Variants in AFF3 observed in about 807,000 individuals in gnomAD.
AFF3 encodes ALF transcription elongation factor 3, also known as AF4/FMR2 family member 3.
AFF3 carries 32 observed loss-of-function variants against 129.7 expected under a neutral mutation model. The observed-to-expected ratio is 0.25, with a 90% CI of 0.19 to 0.33. The LOEUF is 0.33. Ranked by LOEUF, AFF3 falls within the 10% of genes least tolerant of loss-of-function variation. The probability of loss-of-function intolerance (pLI) is 1.00; values close to 1 mark genes in which losing one functional copy is unlikely to be tolerated. For missense variants in AFF3, 1,373 were observed against 1,592.0 expected (o/e 0.86, Z 2.34); for synonymous variants, 644 against 635.4 (o/e 1.01, Z -0.20).
intron 2 of AFF3, chr2:100,106,723 C>G: frequency 1.0e-6 from 1 of 986,000 alleles, no homozygotes. Context: ...GGCTTTCCTT[C>G]CCTTCCCACC....
chr2:99,754,452 T>C (rs1031589206), intron 8 of AFF3, among the ~76,000 whole-genome samples: 1 of 152,198 alleles, frequency 6.6e-6, no homozygotes, highest in Non-Finnish European at 1.5e-5. Flanking sequence ...CCCCGGTATG[T>C]CTATGTTAAC....
At chr2:99,849,321 C>T (rs983115417) in intron 7 of AFF3, among the ~76,000 whole-genome samples, 4 of 152,058 alleles carry the variant, frequency 2.6e-5, no homozygotes, top group African/African-American at 4.8e-5. Context: ...AAACCACAGC[C>T]AGAAAAAGCA....
At chr2:99,943,471 A>T (rs183859582) in intron 7 of AFF3, among the ~76,000 whole-genome samples, 2 of 152,352 alleles carry the variant, frequency 1.3e-5, no homozygotes. Context: ...GGGGTGATAC[A>T]TCTGATTTTC....
chr2:99,719,900 G>T (rs1393107665), intron 11 of AFF3, among the ~76,000 whole-genome samples: 2 of 152,180 alleles, frequency 1.3e-5, no homozygotes, highest in Non-Finnish European at 2.9e-5. Flanking sequence ...AGCCGGGCAT[G>T]GTGGCGGGCG....
intron 10 of AFF3, 51 bp from the exon 11 acceptor site, chr2:99,727,179 A>C: frequency 6.7e-7 from 1 of 1,497,082 alleles, no homozygotes; most frequent in South Asian, 1.2e-5. Flanking sequence ...TACAGTCTTT[A>C]AGATTTAAGA....
At chr2:99,804,948 C>T (rs969890547) in intron 8 of AFF3, among the ~76,000 whole-genome samples, 5 of 151,846 alleles carry the variant, frequency 3.3e-5, no homozygotes, top group Non-Finnish European at 5.9e-5. Context: ...AGATGAAATG[C>T]GGGCAAGGGA....
chr2:99,601,643 G>A (rs771484184), intron 13 of AFF3, 22 bp from the exon 14 acceptor site: 24 of 1,579,252 alleles, frequency 1.5e-5, no homozygotes, highest in South Asian at 4.6e-5. Context: ...CGAGGCCCCC[G>A]GGAAGCAGAG....
chr2:99,933,157 T>A (rs181741438), intron 7 of AFF3, among the ~76,000 whole-genome samples: 209 of 152,254 alleles, frequency 1.4e-3, no homozygotes, highest in African/African-American at 4.6e-3. Context: ...TCTTTTTTTT[T>A]AAATAAAAAC....
At chr2:99,897,277 A>G (rs920001846) in intron 7 of AFF3, among the ~76,000 whole-genome samples, 51 of 152,192 alleles carry the variant, frequency 3.4e-4, no homozygotes, top group African/African-American at 1.1e-3. Flanking sequence ...TTGGATGGTA[A>G]GCATATATAC....
chr2:99,666,210 G>A (rs1406691419), intron 12 of AFF3, among the ~76,000 whole-genome samples: 2 of 152,104 alleles, frequency 1.3e-5, no homozygotes, highest in Admixed American at 6.5e-5. Context: ...TAAGATACAC[G>A]GTGAAATTCA....
At chr2:99,785,177 G>C (rs901197058) in intron 8 of AFF3, among the ~76,000 whole-genome samples, 1 of 152,150 alleles carries the variant, frequency 6.6e-6, no homozygotes, top group African/African-American at 2.4e-5. Context: ...GAATTGGCTT[G>C]TCTGTTCTTA....
chr2:99,925,227 C>T (rs1231068484), intron 7 of AFF3, among the ~76,000 whole-genome samples: 3 of 152,008 alleles, frequency 2.0e-5, no homozygotes, highest in African/African-American at 4.8e-5. Context: ...TAAATGACTA[C>T]GGTTTTATTT....
chr2:99,598,100 C>G (rs1205149552), intron 14 of AFF3, among the ~76,000 whole-genome samples: 1 of 152,180 alleles, frequency 6.6e-6, no homozygotes, highest in Non-Finnish European at 1.5e-5. Context: ...TCAGATCAAT[C>G]TGGGAAATGC....
At chr2:100,137,235 T>A (rs960609138) in intron 1 of AFF3, among the ~76,000 whole-genome samples, 1 of 152,206 alleles carries the variant, frequency 6.6e-6, no homozygotes, top group Non-Finnish European at 1.5e-5. Flanking sequence ...CAGGATTTCA[T>A]GGTGTTTCCC....
At chr2:99,955,468 A>T (rs1220912316) in intron 7 of AFF3, among the ~76,000 whole-genome samples, 1 of 152,184 alleles carries the variant, frequency 6.6e-6, no homozygotes, top group Non-Finnish European at 1.5e-5. Flanking sequence ...CTTAACAAGA[A>T]GTACTGCCAT....
At chr2:99,650,359 G>C (rs1685121276) in intron 12 of AFF3, among the ~76,000 whole-genome samples, 2 of 152,092 alleles carry the variant, frequency 1.3e-5, no homozygotes, top group Admixed American at 1.3e-4. Flanking sequence ...AGGAGTTCAA[G>C]ACCAGCCTGG....
At chr2:99,761,126 G>A (rs532339365) in intron 8 of AFF3, among the ~76,000 whole-genome samples, 14 of 150,786 alleles carry the variant, frequency 9.3e-5, no homozygotes, top group Admixed American at 5.3e-4. Context: ...ACACAGCATC[G>A]CCAGTCCCTT....
chr2:99,648,915 ACACT>A (rs1392042668), intron 13 of AFF3, among the ~76,000 whole-genome samples: 1 of 35,538 alleles, frequency 2.8e-5, no homozygotes, highest in Non-Finnish European at 7.0e-5. Flanking sequence ...ACACACACAC[ACACT>A]CTCTCTCTCT....
chr2:100,027,001 T>C (rs1405184441), intron 4 of AFF3, among the ~76,000 whole-genome samples: 1 of 151,560 alleles, frequency 6.6e-6, no homozygotes, highest in Non-Finnish European at 1.5e-5. Context: ...AGGTGATGAG[T>C]ACACAAAATC....
Sources: allele counts gnomAD v4.1 joint callset (sites outside exome capture counted in the v4.1 genomes callset), GRCh38; gene constraint gnomAD v4.1.1; transcripts MANE v1.5; gene names NCBI Gene and HGNC (gene_info 2026-07-23, HGNC 2026-07-21).